The following SRD5A1 variants were observed in gnomAD, a reference collection of about 807,000 sequenced individuals.
SRD5A1 encodes the protein 3-oxo-5-alpha-steroid 4-dehydrogenase 1.
In SRD5A1, 22 loss-of-function variants were observed where a neutral mutation model predicts 28.2. The ratio of observed to expected loss-of-function variants is 0.78; its 90% CI spans 0.56 to 1.12. SRD5A1 has a LOEUF of 1.12. Ranked by LOEUF, SRD5A1 falls within the 50% of genes most tolerant of loss-of-function variation. The pLI is 0.00. For synonymous variants in SRD5A1, 151 were observed against 135.0 expected (o/e 1.12, Z -0.82); for missense variants, 300 against 346.7 (o/e 0.87, Z 1.07).
chr5:6,656,233 C>T (rs561784745), intron 3 of SRD5A1, 54 bp downstream of exon 3: 5 of 1,446,906 alleles, frequency 3.5e-6, no homozygotes, highest in Non-Finnish European at 3.9e-6. Flanking sequence ...TGGTTCCTGG[C>T]TATTTTAGTG....
intron 1 of SRD5A1, among the ~76,000 whole-genome samples, chr5:6,636,216 A>T (rs770550640): frequency 1.3e-5 from 2 of 152,212 alleles, no homozygotes; most frequent in African/African-American, 2.4e-5. Flanking sequence ...ACTTGATCTA[A>T]GTCATGAGCA....
At chr5:6,650,272 G>A (rs1042110019) in intron 1 of SRD5A1, among the ~76,000 whole-genome samples, 7 of 151,952 alleles carry the variant, frequency 4.6e-5, no homozygotes, top group African/African-American at 7.3e-5. Flanking sequence ...TTAACCAGGT[G>A]TGGTGGTGTG....
In SRD5A1 at chr5:6,663,876, AG is replaced by A. The variant is rs1739084162; in HGVS notation, c.713+912del. Among the ~76,000 whole-genome samples the A allele has an allele frequency of 2.0e-5, 3 of 152,064 alleles. No individual in the cohort carries two copies. The South Asian group carries it at 6.2e-4, about 31-fold the overall frequency. ...CTCAGTCTCAAAAAAAAAAGAAAAA[AG>A]GAAAAGAAATTGAAGGATGTCAAGG... is the stretch of plus-strand genomic sequence containing the variant. On this transcript the variant is annotated intron_variant, in intron 4 of 4. Coordinates refer to ENST00000274192, the MANE Select transcript of SRD5A1 (RefSeq NM_001047.4).
intron 3 of SRD5A1, among the ~76,000 whole-genome samples, chr5:6,662,267 G>A (rs1195440448): frequency 6.6e-6 from 1 of 152,160 alleles, no homozygotes; most frequent in Admixed American, 6.5e-5. Flanking sequence ...CCCTCACTCT[G>A]CCCTGCCCCT....
chr5:6,659,117 CTT>C (rs1202937847), intron 3 of SRD5A1, among the ~76,000 whole-genome samples: 12 of 140,838 alleles, frequency 8.5e-5, no homozygotes, highest in East Asian at 2.1e-4. Flanking sequence ...AAAAAAAAAT[CTT>C]TTTTTTTTTT....
intron 4 of SRD5A1, 58 bp from the exon 5 acceptor site, chr5:6,668,144 G>C: frequency 9.4e-7 from 1 of 1,061,776 alleles, no homozygotes; most frequent in Middle Eastern, 2.2e-4. Context: ...ACTTTTGTTA[G>C]CATTGGTTAA....
intron 1 of SRD5A1, 51 bp downstream of exon 1, chr5:6,633,920 C>G: frequency 6.3e-7 from 1 of 1,578,136 alleles, no homozygotes; most frequent in South Asian, 1.1e-5. Flanking sequence ...CCGGCGTCCT[C>G]TCCGACCCTC....
chr5:6,643,868 T>C (rs1344943139), intron 1 of SRD5A1, among the ~76,000 whole-genome samples: 1 of 152,250 alleles, frequency 6.6e-6, no homozygotes, highest in Non-Finnish European at 1.5e-5. Context: ...TTCTAGTTTT[T>C]CTGACCAGTG....
chr5:6,656,192 A>G lies in SRD5A1; in HGVS notation c.562+13A>G. ...AAAATACCAAGGGGTACGTACAGAA[A>G]GTGAAGAATTTCTGTGAAAGTTGCT... On this transcript the variant is annotated intron_variant, in intron 3 of 4. Coordinates refer to ENST00000274192, the MANE Select transcript of SRD5A1 (RefSeq NM_001047.4). 6.2e-7 allele frequency: 1 copy of G among 1,604,992 alleles called. No individual in the cohort carries two copies. Among genetic ancestry groups the G allele is most frequent in the African/African-American group, 1.3e-5 (1 of 74,800 alleles).
At chr5:6,652,307 T>C (rs1244824099) in intron 2 of SRD5A1, among the ~76,000 whole-genome samples, 1 of 152,166 alleles carries the variant, frequency 6.6e-6, no homozygotes, top group Non-Finnish European at 1.5e-5. Flanking sequence ...GGACTAAAGA[T>C]TGAGACCCTT....
Position 6,633,488 on chromosome 5 carries a change from G to A in SRD5A1, c.-89G>A, listed in dbSNP as rs1738041542. The A allele has an allele frequency of 3.0e-6, 4 of 1,349,090 alleles. No homozygotes were observed. Among genetic ancestry groups the A allele is most frequent in the East Asian group, 3.0e-5 (1 of 33,560 alleles). The allele number at this position is 1,349,090 out of a possible 1,614,324, so 83.6% of individuals were successfully genotyped here. ...GCGGGACTCCGGTAGCCGCCCCTCC[G>A]GTAGCCGCCCCTCCTGCCCCCGCGC... On this transcript the variant is annotated 5_prime_UTR_variant, in exon 1 of 5. Coordinates refer to ENST00000274192, the MANE Select transcript of SRD5A1 (RefSeq NM_001047.4).
At position 6,669,703 on chromosome 5, in the gene SRD5A1, G is replaced by A. The variant is rs1739307193; in HGVS notation, c.*1435G>A. The stretch of plus-strand genomic sequence containing the variant: ...AGGAGATTTCCTTTAAAACAAACAA[G>A]CTTATTGGGAATGGCTTTTATGATT... On this transcript the variant is annotated 3_prime_UTR_variant, in exon 5 of 5. Transcript: ENST00000274192. 6.6e-6 allele frequency: 1 copy of A among 152,158 alleles called. No homozygotes were observed. Among genetic ancestry groups the A allele is most frequent in the Non-Finnish European group, 1.5e-5 (1 of 68,014 alleles). 9.4% of individuals were successfully genotyped at this position (152,158 alleles called of 1,614,324 possible). A position where few individuals can be genotyped will look rare whatever the true frequency, so the allele number is the denominator to read the frequency against.
intron 1 of SRD5A1, among the ~76,000 whole-genome samples, chr5:6,636,593 A>C (rs954466350): frequency 6.6e-6 from 1 of 152,190 alleles, no homozygotes; most frequent in Non-Finnish European, 1.5e-5. Context: ...TCCACAGTCC[A>C]TGAGGCCTGA....
intron 1 of SRD5A1, among the ~76,000 whole-genome samples, chr5:6,636,016 T>C (rs942530331): frequency 2.0e-5 from 3 of 152,062 alleles, no homozygotes; most frequent in Non-Finnish European, 4.4e-5. Flanking sequence ...ATACTAATAG[T>C]TTAAAAGCTG....
At chr5:6,659,874 G>A (rs1738953129) in intron 3 of SRD5A1, among the ~76,000 whole-genome samples, 1 of 152,148 alleles carries the variant, frequency 6.6e-6, no homozygotes, top group African/African-American at 2.4e-5. Context: ...ACCATGGTCG[G>A]CTTTGTGACC....
rs935440927 is a variant in SRD5A1, at chr5:6,633,962, C to T, written c.293+93C>T. The T allele has an allele frequency of 3.2e-4, 450 of 1,389,482 alleles. No homozygotes were observed. In the Middle Eastern group the frequency reaches 5.9e-3, roughly 18 times the overall value. The allele number at this position is 1,389,482 out of a possible 1,614,324, so 86.1% of individuals were successfully genotyped here. A position where few individuals can be genotyped will look rare whatever the true frequency, so the allele number is the denominator to read the frequency against. On this transcript the variant is annotated intron_variant, in intron 1 of 4. Transcript: ENST00000274192. ...CTGCCCGGTGCCCTCTCCCCGAAGCCTCCCCCACCCAGATGCCCTCTCCCT... is the reference window on the plus strand; with the variant it reads ...CTGCCCGGTGCCCTCTCCCCGAAGCTTCCCCCACCCAGATGCCCTCTCCCT...
chr5:6,647,142 T>G (rs1394055152), intron 1 of SRD5A1, among the ~76,000 whole-genome samples: 1 of 152,148 alleles, frequency 6.6e-6, no homozygotes, highest in Non-Finnish European at 1.5e-5. Context: ...TATAAGAGAC[T>G]GTTTGTTATG....
chr5:6,637,588 G>C (rs1738226890), intron 1 of SRD5A1, among the ~76,000 whole-genome samples: 1 of 152,152 alleles, frequency 6.6e-6, no homozygotes, highest in African/African-American at 2.4e-5. Flanking sequence ...CTTTGCTCAT[G>C]GATTTTCCTT....
chr5:6,664,220 A>G (rs1383766310), intron 4 of SRD5A1, among the ~76,000 whole-genome samples: 1 of 152,182 alleles, frequency 6.6e-6, no homozygotes, highest in Non-Finnish European at 1.5e-5. Context: ...ACTCTGTCCT[A>G]CTTCATGGAG....
Sources: allele counts gnomAD v4.1 joint callset (sites outside exome capture counted in the v4.1 genomes callset), GRCh38; gene constraint gnomAD v4.1.1; transcripts MANE v1.5; gene names NCBI Gene and HGNC (gene_info 2026-07-23, HGNC 2026-07-21).